Variants in SMAD7 observed in about 807,000 individuals in gnomAD.
SMAD7 encodes SMAD family member 7.
In SMAD7, 8 loss-of-function variants were observed where a neutral mutation model predicts 38.7. The observed-to-expected ratio is 0.21, with a 90% CI of 0.12 to 0.37. SMAD7 has a LOEUF of 0.37. Among genes scored for constraint, SMAD7 ranks in the 10% least tolerant of loss-of-function variants. SMAD7 has a pLI of 1.00. For synonymous variants in SMAD7, 327 were observed against 265.1 expected (o/e 1.23, Z -2.27); for missense variants, 477 against 577.9 (o/e 0.83, Z 1.79).
At chr18:48,948,192 G>C (rs1235123372) in intron 2 of SMAD7, among the ~76,000 whole-genome samples, 192 bp downstream of exon 2, 1 of 152,092 alleles carries the variant, frequency 6.6e-6, no homozygotes, top group East Asian at 1.9e-4. Context: ...CATATCAAGG[G>C]AACGTCTTTG....
intron 3 of SMAD7, among the ~76,000 whole-genome samples, chr18:48,928,473 C>T (rs1054830377): frequency 2.0e-5 from 3 of 151,766 alleles, no homozygotes; most frequent in Admixed American, 6.6e-5. Context: ...ATTTCAGAGT[C>T]AGAAATGACT....
At chr18:48,941,502 G>A (rs2143806464) in intron 3 of SMAD7, among the ~76,000 whole-genome samples, 1 of 152,284 alleles carries the variant, frequency 6.6e-6, no homozygotes, top group African/African-American at 2.4e-5. Flanking sequence ...AAAAAAGGGT[G>A]CCCCTCACAC....
intron 2 of SMAD7, among the ~76,000 whole-genome samples, chr18:48,946,352 C>T (rs1010037025): frequency 5.9e-5 from 9 of 152,146 alleles, no homozygotes; most frequent in African/African-American, 2.2e-4. Context: ...AGACCTGGGT[C>T]AGCGCCCATC....
intron 3 of SMAD7, 149 bp from the exon 4 acceptor site, chr18:48,922,059 T>A: frequency 1.5e-6 from 1 of 655,270 alleles, no homozygotes; most frequent in Non-Finnish European, 2.6e-6. Context: ...GTCCTGGACT[T>A]GCCCAGGCTC....
chr18:48,927,643 G>A (rs2143767653), intron 3 of SMAD7, among the ~76,000 whole-genome samples: 1 of 152,316 alleles, frequency 6.6e-6, no homozygotes, highest in Admixed American at 6.5e-5. Context: ...TGATGCAAAA[G>A]TGATTGGGGC....
rs2070247283 is a variant in SMAD7 at position 48,950,273 on chromosome 18, C to G, written c.152G>C (p.Gly51Ala). 2 of 1,524,816 alleles carry G rather than the reference C, an allele frequency of 1.3e-6. No homozygotes were observed. Among genetic ancestry groups the G allele is most frequent in the Non-Finnish European group, 1.8e-6 (2 of 1,138,374 alleles). The allele number at this position is 1,524,816 out of a possible 1,614,324, so 94.5% of individuals were successfully genotyped here. The change falls in exon 1 of 4, where the codon GGT (glycine) becomes GCT (alanine). Residue 51 changes from glycine (G) to alanine (A), a missense_variant. By Grantham distance (60) the Gly-to-Ala change is moderately conservative (BLOSUM62 0). Coordinates refer to ENST00000262158, the MANE Select transcript of SMAD7 (RefSeq NM_005904.4). ...GATDSRAHGA[G>A]GGGPGRAGCC... is the part of the protein sequence containing the mutation. ...TCCAGCCCTGCCCGGGCCGCCGCCA[C>G]CGGCCCCATGCGCTCGGCTGTCCGT... is the stretch of plus-strand genomic sequence containing the variant.
chr18:48,939,039 C>T (rs2070103939), intron 3 of SMAD7, among the ~76,000 whole-genome samples: 2 of 152,178 alleles, frequency 1.3e-5, no homozygotes, highest in South Asian at 4.1e-4. Context: ...GACATCAACC[C>T]ACCCCAGCGA....
intron 3 of SMAD7, among the ~76,000 whole-genome samples, chr18:48,932,819 TG>T (rs1368180660): frequency 6.6e-6 from 1 of 152,216 alleles, no homozygotes; most frequent in African/African-American, 2.4e-5. Context: ...ATCCCCCAGA[TG>T]GTCTTCGTTG....
At chr18:48,947,817 G>A (rs2070211322) in intron 2 of SMAD7, among the ~76,000 whole-genome samples, 1 of 151,556 alleles carries the variant, frequency 6.6e-6, no homozygotes, top group Non-Finnish European at 1.5e-5. Flanking sequence ...TTCAAACTTT[G>A]ATAGTCCCTA....
chr18:48,949,974 A>T lies in SMAD7; in HGVS notation c.451T>A (p.Ser151Thr). 1.2e-6 allele frequency: 2 copies of T among 1,601,810 alleles called. No homozygotes were observed. The highest frequency in any genetic ancestry group is 1.7e-6 in the Non-Finnish European group (2 of 1,174,894). ...PAGAQPAQPP[S>T]SYSLPLLLCK... is the part of the protein sequence containing the mutation. Reference sequence around the variant, plus strand: ...AGCAGGAGGGGGAGCGAGTAGGACGAGGGCGGCTGCGCAGGCTGCGCGCCG... The same window carrying T: ...AGCAGGAGGGGGAGCGAGTAGGACGTGGGCGGCTGCGCAGGCTGCGCGCCG... The change falls in exon 1 of 4, where the codon TCG becomes ACG. Residue 151 changes from serine to threonine, a missense_variant. Around this residue, in one of 2 missense-constraint regions of SMAD7, gnomAD observed 376 missense variants for 379.4 expected, o/e 0.99. Coordinates refer to ENST00000262158, the MANE Select transcript of SMAD7 (RefSeq NM_005904.4).
intron 3 of SMAD7, among the ~76,000 whole-genome samples, chr18:48,941,216 C>A (rs1224594149): frequency 6.6e-6 from 1 of 152,200 alleles, no homozygotes; most frequent in African/African-American, 2.4e-5. Flanking sequence ...CTCCTCTGTC[C>A]ACTCCCACCG....
intron 3 of SMAD7, among the ~76,000 whole-genome samples, chr18:48,934,174 A>T (rs2070036417): frequency 6.6e-6 from 1 of 152,264 alleles, no homozygotes; most frequent in African/African-American, 2.4e-5. Context: ...TAGGTGAACC[A>T]TATCACTCCT....
At chr18:48,938,091 A>G (rs1164988537) in intron 3 of SMAD7, among the ~76,000 whole-genome samples, 2 of 152,218 alleles carry the variant, frequency 1.3e-5, no homozygotes, top group African/African-American at 4.8e-5. Context: ...GGATGGAGCA[A>G]TGTTTCCTAA....
chr18:48,947,126 A>T (rs1221311025), intron 2 of SMAD7, among the ~76,000 whole-genome samples: 1 of 152,236 alleles, frequency 6.6e-6, no homozygotes, highest in Non-Finnish European at 1.5e-5. Context: ...TTACAAATAC[A>T]GAGAGCTGGG....
chr18:48,931,710 T>C (rs1294775363), intron 3 of SMAD7, among the ~76,000 whole-genome samples: 1 of 152,252 alleles, frequency 6.6e-6, no homozygotes, highest in African/African-American at 2.4e-5. Context: ...GCCCAAGCCC[T>C]TATTTTGCAG....
intron 3 of SMAD7, among the ~76,000 whole-genome samples, chr18:48,939,211 CA>C: frequency 6.6e-6 from 1 of 150,846 alleles, no homozygotes; most frequent in South Asian, 2.1e-4. Flanking sequence ...TTGCACCCAG[CA>C]ATCCATCTGT....
At chr18:48,929,710 TG>T (rs919366671) in intron 3 of SMAD7, among the ~76,000 whole-genome samples, 9 of 151,706 alleles carry the variant, frequency 5.9e-5, no homozygotes, top group African/African-American at 1.9e-4. Flanking sequence ...TTGCAGGTGG[TG>T]GGGGGGCTCT....
chr18:48,939,165 C>A (rs2070106589), intron 3 of SMAD7, among the ~76,000 whole-genome samples: 1 of 150,122 alleles, frequency 6.7e-6, no homozygotes, highest in Non-Finnish European at 1.5e-5. Flanking sequence ...CACACACCCA[C>A]CCCCACAACA....
At chr18:48,939,547 C>A (rs4452022) in intron 3 of SMAD7, among the ~76,000 whole-genome samples, 1 of 151,402 alleles carries the variant, frequency 6.6e-6, no homozygotes, top group African/African-American at 2.4e-5. Flanking sequence ...AGGAGAGGAC[C>A]GGCCTTTGAG....
Sources: gnomAD v4.1 joint callset for allele counts (sites outside exome capture counted in the v4.1 genomes callset) on GRCh38, gnomAD v4.1.1 for gene constraint, gnomAD v4.1.1 regional missense constraint, MANE v1.5 for transcripts, NCBI Gene and HGNC (gene_info 2026-07-23, HGNC 2026-07-21) for gene names.